The following AAK1 variants were observed in gnomAD, a reference collection of about 807,000 sequenced individuals.
The protein encoded by AAK1 is AP2 associated kinase 1, also known as AP2-associated protein kinase 1.
A neutral mutation model predicts 116.0 loss-of-function variants in AAK1; 37 were observed. The observed-to-expected ratio is 0.32, with a 90% CI of 0.25 to 0.42. The LOEUF is 0.42. AAK1 is among the 10% of genes least tolerant of loss of function. AAK1 has a pLI of 1.00. For missense variants in AAK1, 919 were observed against 1,170.6 expected (o/e 0.79, Z 3.14); for synonymous variants, 458 against 439.9 (o/e 1.04, Z -0.51).
intron 2 of AAK1, among the ~76,000 whole-genome samples, chr2:69,572,069 G>A (rs1454928959): frequency 6.6e-6 from 1 of 152,212 alleles, no homozygotes; most frequent in African/African-American, 2.4e-5. Flanking sequence ...AAGTTTCCAA[G>A]AAGGACCAAG....
intron 20 of AAK1, among the ~76,000 whole-genome samples, chr2:69,477,332 G>A (rs1674891969): frequency 6.6e-6 from 1 of 152,128 alleles, no homozygotes; most frequent in South Asian, 2.1e-4. Flanking sequence ...TGTCTTCACT[G>A]AGGGAACAGA....
intron 15 of AAK1, among the ~76,000 whole-genome samples, chr2:69,506,625 A>C (rs1270539282): frequency 1.3e-5 from 2 of 152,168 alleles, no homozygotes; most frequent in Non-Finnish European, 2.9e-5. Context: ...TCAGCCTCCC[A>C]AAGTACTGGG....
chr2:69,505,913 G>A (rs1028281615), intron 15 of AAK1, among the ~76,000 whole-genome samples: 1 of 152,214 alleles, frequency 6.6e-6, no homozygotes, highest in African/African-American at 2.4e-5. Context: ...AAAATGAAAA[G>A]CGTTCTGGAG....
intron 16 of AAK1, among the ~76,000 whole-genome samples, chr2:69,500,863 T>G (rs1479086036): frequency 6.6e-6 from 1 of 151,560 alleles, no homozygotes; most frequent in Admixed American, 6.6e-5. Flanking sequence ...AAACTAGGCA[T>G]TAAAACTGGG....
At chr2:69,542,419 C>A (rs1465962914) in intron 5 of AAK1, 104 bp downstream of exon 5, 1 of 1,369,814 alleles carries the variant, frequency 7.3e-7, no homozygotes, top group East Asian at 2.3e-5. Flanking sequence ...AAAACAGGGA[C>A]CATATCTTAA....
At chr2:69,565,871 C>A (rs1055733485) in intron 2 of AAK1, among the ~76,000 whole-genome samples, 1 of 142,398 alleles carries the variant, frequency 7.0e-6, no homozygotes, top group Non-Finnish European at 1.5e-5. Context: ...TGAGAGCTTG[C>A]GTACACTATG....
chr2:69,480,323 T>C (rs995665831), intron 19 of AAK1, among the ~76,000 whole-genome samples: 2 of 151,686 alleles, frequency 1.3e-5, no homozygotes, highest in African/African-American at 4.8e-5. Flanking sequence ...AGAAATTCTA[T>C]TAAGACTGAA....
intron 2 of AAK1, among the ~76,000 whole-genome samples, chr2:69,589,708 CAAAAA>C (rs762986666): frequency 5.1e-5 from 3 of 58,684 alleles, no homozygotes; most frequent in Non-Finnish European, 1.3e-4. Flanking sequence ...AACTCTGTCT[CAAAAA>C]AAAAAAAAAA....
chr2:69,482,449 A>G (rs1455702763), intron 18 of AAK1: 2 of 608,164 alleles, frequency 3.3e-6, no homozygotes, highest in Non-Finnish European at 5.9e-6. Context: ...TTCTAACTAA[A>G]TGTGAAACTT....
At position 69,466,810 on chromosome 2, in the gene AAK1, A is replaced by G; in HGVS notation, c.*9059T>C. On this transcript the variant is annotated 3_prime_UTR_variant, in exon 22 of 22. Coordinates refer to ENST00000409085, the MANE Select transcript of AAK1 (RefSeq NM_014911.5). ...GAAGATGTTAGGCACACAGACATTC[A>G]GCGTAACTATGCAATGCTCCTACAC... The G allele has an allele frequency of 1.0e-6, 1 of 985,440 alleles. No homozygotes were observed. The highest frequency in any genetic ancestry group is 1.2e-6 in the Non-Finnish European group (1 of 829,944). The allele number at this position is 985,440 out of a possible 1,614,324, so 61.0% of individuals were successfully genotyped here.
At position 69,504,140 on chromosome 2, in the gene AAK1, T is replaced by TA. The variant is rs756299050; in HGVS notation, c.2269+1428dup. ...GGTTGGGTGTGGTAGCTCATGCCTGTAATCCCAGCACTTTGGGAGGCCGAA... is the reference window on the plus strand; with the variant it reads ...GGTTGGGTGTGGTAGCTCATGCCTGTAAATCCCAGCACTTTGGGAGGCCGAA... On this transcript the variant is annotated intron_variant, in intron 16 of 21. Transcript: ENST00000409085. 2.6e-5 allele frequency among the ~76,000 whole-genome samples: 4 copies of TA among 152,230 alleles called. No homozygotes were observed. In the East Asian group the frequency reaches 7.7e-4, roughly 29 times the overall value.
chr2:69,524,924 G>T, intron 10 of AAK1, 109 bp downstream of exon 10: 1 of 1,093,208 alleles, frequency 9.1e-7, no homozygotes, highest in Non-Finnish European at 1.4e-6. Flanking sequence ...TTCCTGATCT[G>T]TGCAGCCCCT....
intron 17 of AAK1, among the ~76,000 whole-genome samples, chr2:69,487,844 C>G (rs1487276528): frequency 6.9e-6 from 1 of 144,566 alleles, no homozygotes. Context: ...GGCTGGAGTG[C>G]AATGGCGCGA....
chr2:69,536,466 T>A (rs903363916), intron 5 of AAK1, among the ~76,000 whole-genome samples: 1 of 152,034 alleles, frequency 6.6e-6, no homozygotes, highest in Non-Finnish European at 1.5e-5. Context: ...GTGAATAGAT[T>A]ATGTGAGATT....
chr2:69,528,347 T>C (rs1282241351), intron 8 of AAK1, among the ~76,000 whole-genome samples: 1 of 152,102 alleles, frequency 6.6e-6, no homozygotes, highest in Non-Finnish European at 1.5e-5. Context: ...TGGTGTTTTA[T>C]AAGAGGAATC....
rs1271779460 is a variant in AAK1, at chr2:69,469,385, T to C, written c.*6484A>G. The stretch of plus-strand genomic sequence containing the variant: ...GTAACCATTAAATCTTGTTGGCAGA[T>C]AAAAGTCTTTTTTTGAGTATGTGAA... On this transcript the variant is annotated 3_prime_UTR_variant, in exon 22 of 22. Transcript: ENST00000409085. The C allele has an allele frequency of 2.0e-6, 2 of 985,478 alleles. No individual in the cohort carries two copies. Among genetic ancestry groups the C allele is most frequent in the Non-Finnish European group, 2.4e-6 (2 of 829,938 alleles). The allele number at this position is 985,478 out of a possible 1,614,324, so 61.0% of individuals were successfully genotyped here.
At chr2:69,619,798 G>A (rs1674507926) in intron 2 of AAK1, among the ~76,000 whole-genome samples, 2 of 152,190 alleles carry the variant, frequency 1.3e-5, no homozygotes, top group African/African-American at 4.8e-5. Flanking sequence ...CCTGAGCAGG[G>A]AGGTGCGAAT....
chr2:69,611,599 T>C (rs952864704), intron 2 of AAK1, among the ~76,000 whole-genome samples: 3 of 152,218 alleles, frequency 2.0e-5, no homozygotes, highest in Admixed American at 6.5e-5. Context: ...ACTCCCTTTA[T>C]ATATACATAT....
intron 5 of AAK1, among the ~76,000 whole-genome samples, chr2:69,540,499 G>A (rs1233006276): frequency 2.0e-5 from 3 of 152,178 alleles, no homozygotes; most frequent in Admixed American, 2.0e-4. Context: ...TAAGCCTTTG[G>A]GAGGTATATA....
Sources: gnomAD v4.1 joint callset for allele counts (sites outside exome capture counted in the v4.1 genomes callset) on GRCh38, gnomAD v4.1.1 for gene constraint, MANE v1.5 for transcripts, NCBI Gene and HGNC (gene_info 2026-07-23, HGNC 2026-07-21) for gene names.